Variants in LCOR observed in about 807,000 individuals in gnomAD.
LCOR encodes ligand-dependent corepressor.
Under a neutral mutation model 64.4 loss-of-function variants are expected in LCOR, and 14 were observed. That is an observed-to-expected ratio of 0.22 (90% CI 0.14 to 0.34). The LOEUF is 0.34. Among genes scored for constraint, LCOR ranks in the 10% least tolerant of loss-of-function variants. The pLI, the probability that LCOR is intolerant of heterozygous loss-of-function variation, is 1.00. For synonymous variants in LCOR, 643 were observed against 642.5 expected (o/e 1.00, Z -0.01); for missense variants, 1,686 against 1,765.3 (o/e 0.96, Z 0.80).
intron 1 of LCOR, 167 bp from the exon 2 acceptor site, chr10:96,833,239 C>G (rs1158509443): frequency 1.0e-6 from 1 of 974,304 alleles, no homozygotes; most frequent in Non-Finnish European, 1.2e-6. Context: ...GAGCCGCAGC[C>G]TCGCCCGAAT....
At chr10:96,866,148 G>A (rs116551060) in intron 2 of LCOR, among the ~76,000 whole-genome samples, 7,785 of 152,136 alleles carry the variant, frequency 0.051, 679 homozygotes, top group African/African-American at 0.18. Context: ...TATTCATATA[G>A]CATATATTTC....
chr10:96,888,412 T>A (rs1361173395), intron 2 of LCOR, among the ~76,000 whole-genome samples: 1 of 145,756 alleles, frequency 6.9e-6, no homozygotes, highest in East Asian at 2.0e-4. Flanking sequence ...TATTGTCAAT[T>A]TCAGCTTCCA....
chr10:96,970,838 C>T (rs372638807), intron 7 of LCOR, among the ~76,000 whole-genome samples: 7 of 151,450 alleles, frequency 4.6e-5, no homozygotes, highest in African/African-American at 7.3e-5. Context: ...AGGCTGGTCT[C>T]GAACTCCTGA....
intron 4 of LCOR, among the ~76,000 whole-genome samples, chr10:96,929,547 C>A (rs927400540): frequency 2.0e-5 from 3 of 152,204 alleles, no homozygotes; most frequent in Non-Finnish European, 4.4e-5. Context: ...CTGGTTTGAT[C>A]TTCTATCCAG....
chr10:96,841,151 AAG>A (rs1451167777), intron 2 of LCOR, among the ~76,000 whole-genome samples: 1 of 152,162 alleles, frequency 6.6e-6, no homozygotes, highest in Non-Finnish European at 1.5e-5. Context: ...CTCAGGAAAA[AAG>A]AGAAGTTCAT....
In LCOR at chr10:96,970,624, A is replaced by ATTTTATTTAT. The variant is rs1181172810; in HGVS notation, c.333-10166_333-10165insTATTTATTTT. On this transcript the variant is annotated intron_variant, in intron 7 of 7. Coordinates refer to ENST00000421806, the MANE Select transcript of LCOR (RefSeq NM_001346516.2). ...ATTTTATTTTATTTTATTTTATTTT[A>ATTTTATTTAT]TTTATTTTATTTTATTTTATTTTAT... Among the ~76,000 whole-genome samples, 429 of 129,330 alleles carry ATTTTATTTAT rather than the reference A, an allele frequency of 3.3e-3. 5 individuals carry two copies. Among genetic ancestry groups the ATTTTATTTAT allele is most frequent in the African/African-American group, 0.012 (396 of 33,312 alleles). 84.8% of individuals were successfully genotyped at this position (129,330 alleles called of 152,430 possible).
At chr10:96,926,596 A>G (rs533818410) in intron 4 of LCOR, among the ~76,000 whole-genome samples, 2 of 152,238 alleles carry the variant, frequency 1.3e-5, no homozygotes, top group South Asian at 2.1e-4. Context: ...AATTCATCCA[A>G]AGAGTACATT....
In LCOR at chr10:96,984,560, G is replaced by C. The variant is rs975293849; in HGVS notation, c.4100G>C (p.Gly1367Ala). 23 of 1,614,098 alleles carry C rather than the reference G, an allele frequency of 1.4e-5. No homozygotes were observed. Among genetic ancestry groups the C allele is most frequent in the African/African-American group, 2.7e-5 (2 of 74,940 alleles). The change falls in exon 8 of 8, where the codon GGG (glycine) becomes GCG (alanine). Residue 1367 changes from glycine (G) to alanine (A), a missense_variant. This residue lies in a region of LCOR where 1,293 missense variants were observed against 1,410.4 expected (regional missense o/e 0.92). Coordinates refer to ENST00000421806, the MANE Select transcript of LCOR (RefSeq NM_001346516.2). ...PKLALQVDADGFPVKPKSTEG... is the reference protein window; with the variant it reads ...PKLALQVDADAFPVKPKSTEG... ...CTTGCCCTGCAAGTGGATGCAGATG[G>C]GTTTCCTGTTAAGCCCAAGAGTACT...
intron 7 of LCOR, 98 bp downstream of exon 7, chr10:96,952,294 T>C: frequency 1.3e-6 from 1 of 756,440 alleles, no homozygotes; most frequent in Non-Finnish European, 2.2e-6. Context: ...ATAACCCTTC[T>C]AAGTAAGTCA....
At chr10:96,979,549 A>G (rs946269396) in intron 7 of LCOR, among the ~76,000 whole-genome samples, 3 of 152,192 alleles carry the variant, frequency 2.0e-5, no homozygotes, top group African/African-American at 7.2e-5. Flanking sequence ...AGGGGTTTTT[A>G]ACATAGAATG....
chr10:96,884,292 T>C (rs1038828011), intron 2 of LCOR, among the ~76,000 whole-genome samples: 2 of 152,198 alleles, frequency 1.3e-5, no homozygotes, highest in African/African-American at 4.8e-5. Flanking sequence ...TAGATATAAT[T>C]TACATAAACA....
intron 4 of LCOR, among the ~76,000 whole-genome samples, chr10:96,941,174 T>C (rs1281835786): frequency 7.6e-6 from 1 of 131,248 alleles, no homozygotes. Flanking sequence ...ACAGGGCGGC[T>C]GGCCAGGCGG....
At position 96,849,061 on chromosome 10, in the gene LCOR, C is replaced by CT. The variant is rs67974828; in HGVS notation, c.-330+15612dup. ...TCCTCTCTGTCACCTGGCTAATTGT[C>CT]TTTTTTTTTTTTTTTTTTTTTTTTT... On this transcript the variant is annotated intron_variant, in intron 2 of 7. Transcript: ENST00000421806. Among the ~76,000 whole-genome samples the CT allele has an allele frequency of 2.2e-3, 75 of 33,834 alleles. 23 individuals are homozygous for CT. The highest frequency in any genetic ancestry group is 0.015 in the East Asian group (10 of 678). The allele number at this position is 33,834 out of a possible 152,430, so 22.2% of individuals were successfully genotyped here.
chr10:96,873,881 G>A (rs984688102), intron 2 of LCOR, among the ~76,000 whole-genome samples: 1 of 152,050 alleles, frequency 6.6e-6, no homozygotes, highest in African/African-American at 2.4e-5. Context: ...TATTCTTCTA[G>A]GATTAAAGGG....
chr10:96,908,855 A>G (rs1589648029), intron 4 of LCOR, among the ~76,000 whole-genome samples: 1 of 152,068 alleles, frequency 6.6e-6, no homozygotes, highest in Non-Finnish European at 1.5e-5. Context: ...AGCTGGGACT[A>G]CAGGCGCCCG....
intron 7 of LCOR, chr10:96,957,907 GT>G: frequency 1.0e-6 from 1 of 986,270 alleles, no homozygotes; most frequent in Non-Finnish European, 1.2e-6. Flanking sequence ...AGAAAAAACA[GT>G]TTGGGTTCAA....
intron 7 of LCOR, among the ~76,000 whole-genome samples, chr10:96,971,947 A>G (rs1181372116): frequency 1.3e-5 from 2 of 152,136 alleles, no homozygotes; most frequent in African/African-American, 2.4e-5. Flanking sequence ...TCCTGAGTAA[A>G]AACTTGAACG....
At chr10:96,944,072 G>A (rs1032440422) in intron 4 of LCOR, 41 bp from the exon 5 acceptor site, 3 of 984,840 alleles carry the variant, frequency 3.0e-6, no homozygotes, top group Non-Finnish European at 3.6e-6. Flanking sequence ...ATTGAATGGG[G>A]AAAGACGTGT....
rs184880972 is a variant in LCOR at position 96,973,813 on chromosome 10, T to C, written c.333-6980T>C. Among the ~76,000 whole-genome samples the C allele has an allele frequency of 9.1e-4, 139 of 152,318 alleles. 1 individual carries two copies. Among genetic ancestry groups the C allele is most frequent in the Non-Finnish European group, 8.8e-5 (6 of 68,016 alleles). ...AAGAAGAATGTATTTTGGTCATCAG[T>C]GATATTGCCTTTGCTCATCAAGCAG... On this transcript the variant is annotated intron_variant, in intron 7 of 7. Coordinates refer to ENST00000421806, the MANE Select transcript of LCOR (RefSeq NM_001346516.2).
Sources: allele counts gnomAD v4.1 joint callset (sites outside exome capture counted in the v4.1 genomes callset), GRCh38; gene constraint gnomAD v4.1.1; regional missense constraint gnomAD v4.1.1; transcripts MANE v1.5; gene names NCBI Gene and HGNC (gene_info 2026-07-23, HGNC 2026-07-21).